The following GSDMC variants were observed in gnomAD, a reference collection of about 807,000 sequenced individuals.
GSDMC encodes the protein gasdermin C.
GSDMC carries 59 observed loss-of-function variants against 58.0 expected under a neutral mutation model. The observed-to-expected ratio is 1.02, with a 90% CI of 0.82 to 1.26. The LOEUF is 1.26. Ranked by LOEUF, GSDMC falls within the 50% of genes most tolerant of loss-of-function variation. GSDMC has a pLI of 0.00. For missense variants in GSDMC, 659 were observed against 598.5 expected (o/e 1.10, Z -1.06); for synonymous variants, 241 against 220.2 (o/e 1.09, Z -0.83).
At chr8:129,742,722 C>T in the GSDMC span, among the ~76,000 whole-genome samples, 1 of 152,176 alleles carries the variant, frequency 6.6e-6, no homozygotes, top group South Asian at 2.1e-4. Context: ...TGGTTTTCTT[C>T]CATTTCTCAA....
intron 12 of GSDMC, 113 bp downstream of exon 12, chr8:129,749,877 C>T (rs118154635): frequency 0.029 from 23,728 of 823,716 alleles, 502 homozygotes; most frequent in Middle Eastern, 0.11. Flanking sequence ...GATGTAAGGA[C>T]GAAAGATCAT....
chr8:129,778,666 A>G (rs2034318886), intron 1 of GSDMC, among the ~76,000 whole-genome samples: 1 of 152,196 alleles, frequency 6.6e-6, no homozygotes, highest in African/African-American at 2.4e-5. Context: ...GAACAGAGTG[A>G]ACAGGTAACC....
the GSDMC span, among the ~76,000 whole-genome samples, chr8:129,738,045 AACAG>A: frequency 6.6e-6 from 1 of 152,382 alleles, no homozygotes; most frequent in South Asian, 2.1e-4. Context: ...TTATGCAGCC[AACAG>A]ACAGACATGT....
chr8:129,750,455 C>T lies in GSDMC; in HGVS notation c.1059G>A (p.Gly353=). The T allele has an allele frequency of 6.2e-7, 1 of 1,614,028 alleles. No individual in the cohort carries two copies. Among genetic ancestry groups the T allele is most frequent in the East Asian group, 2.2e-5 (1 of 44,878 alleles). ...YSILAMLRDR[G]ALQDLMNMLE... is the part of the protein sequence containing the mutation. ...CCATGTTCATCAGGTCCTGTAGAGC[C>T]CCTCTGTCTCTGAGCATGGCCAGGA... Residue 353 remains glycine, a synonymous_variant, in exon 11 of 14, where the codon GGG becomes GGA. Coordinates refer to ENST00000276708, the MANE Select transcript of GSDMC (RefSeq NM_031415.3).
intron 3 of GSDMC, among the ~76,000 whole-genome samples, chr8:129,775,454 TAAC>T (rs772960027): frequency 1.3e-5 from 2 of 152,130 alleles, no homozygotes; most frequent in Non-Finnish European, 2.9e-5. Flanking sequence ...AGACTATAAT[TAAC>T]AATACTACAT....
the GSDMC span, among the ~76,000 whole-genome samples, chr8:129,738,032 C>T: frequency 6.6e-6 from 1 of 152,206 alleles, no homozygotes. Flanking sequence ...CAAAAGAAGA[C>T]ATTTATGCAG....
chr8:129,736,228 G>A, the GSDMC span, among the ~76,000 whole-genome samples: 9 of 152,150 alleles, frequency 5.9e-5, no homozygotes, highest in Non-Finnish European at 1.2e-4. Context: ...AGAGGAGCTG[G>A]TACCATTCCT....
chr8:129,777,320 C>T lies in GSDMC; in HGVS notation c.220+48G>A, dbSNP rs767853189. 1.2e-5 allele frequency: 14 copies of T among 1,150,434 alleles called. No homozygotes were observed. The East Asian group carries it at 3.3e-4, about 27-fold the overall frequency. The allele number at this position is 1,150,434 out of a possible 1,614,324, so 71.3% of individuals were successfully genotyped here. On this transcript the variant is annotated intron_variant, in intron 2 of 13. Coordinates refer to ENST00000276708, the MANE Select transcript of GSDMC (RefSeq NM_031415.3). The stretch of plus-strand genomic sequence containing the variant: ...GGATGGTGGGCCATCTTTTTCTGAC[C>T]ACACATGTTTTTCACCCCTCACCTC...
the GSDMC span, chr8:129,729,849 A>G: frequency 1.3e-6 from 1 of 788,692 alleles, no homozygotes; most frequent in Non-Finnish European, 2.2e-6. Context: ...GGCTGCATCC[A>G]TGCTAGCACC....
At chr8:129,760,176 C>T (rs1283531173) in intron 6 of GSDMC, among the ~76,000 whole-genome samples, 1 of 151,994 alleles carries the variant, frequency 6.6e-6, no homozygotes, top group Admixed American at 6.5e-5. Context: ...CAGTTGAACA[C>T]ATACAGATAT....
At chr8:129,728,873 C>T in the GSDMC span, 2 of 646,160 alleles carry the variant, frequency 3.1e-6, no homozygotes, top group Non-Finnish European at 5.9e-6. Context: ...GGGGCGGGCT[C>T]TTGTGGACCT....
chr8:129,715,651 C>T, the GSDMC span, among the ~76,000 whole-genome samples: 1 of 152,030 alleles, frequency 6.6e-6, no homozygotes, highest in Non-Finnish European at 1.5e-5. Flanking sequence ...AATTTATTCA[C>T]CAGCAAAGCT....
At position 129,765,757 on chromosome 8, in the gene GSDMC, C is replaced by T; in HGVS notation, c.441G>A (p.Glu147=). 6.2e-7 allele frequency: 1 copy of T among 1,614,022 alleles called. No homozygotes were observed. The highest frequency in any genetic ancestry group is 8.5e-7 in the Non-Finnish European group (1 of 1,179,880). The change falls in exon 4 of 14, where the codon GAG becomes GAA. Residue 147 remains glutamate (E), a synonymous_variant. Coordinates refer to ENST00000276708, the MANE Select transcript of GSDMC (RefSeq NM_031415.3). ...ACAGGTTGTCCCCTCTCCTCCGGCA[C>T]TCCTTCAGAAATGATGGCTCTGGAT... ...LLDPEPSFLK[E]CRRRGDNLYV...
the GSDMC span, among the ~76,000 whole-genome samples, chr8:129,733,310 G>A: frequency 6.6e-6 from 1 of 152,236 alleles, no homozygotes; most frequent in Admixed American, 6.5e-5. Flanking sequence ...ACAGAGCAGT[G>A]GTTCTCCCGG....
At chr8:129,750,196 G>T in intron 11 of GSDMC, 77 bp from the exon 12 acceptor site, 1 of 1,226,286 alleles carries the variant, frequency 8.2e-7, no homozygotes, top group Non-Finnish European at 1.1e-6. Context: ...GTCTACTGGT[G>T]ATAACCAAGG....
At chr8:129,756,100 C>T (rs2033422353) in intron 6 of GSDMC, among the ~76,000 whole-genome samples, 1 of 150,490 alleles carries the variant, frequency 6.6e-6, no homozygotes, top group Admixed American at 6.6e-5. Context: ...GATCTGTTAC[C>T]TACAAAAAAC....
chr8:129,762,917 AT>A (rs1284460875), intron 4 of GSDMC, among the ~76,000 whole-genome samples, 186 bp from the exon 5 acceptor site: 1 of 151,648 alleles, frequency 6.6e-6, no homozygotes, highest in African/African-American at 2.4e-5. Flanking sequence ...CCATTTTTCA[AT>A]TTCATGTTGA....
rs749796610 is a variant in GSDMC, at chr8:129,749,435, C to T, written c.1287+17G>A. 7 of 1,570,692 alleles carry T rather than the reference C, an allele frequency of 4.5e-6. No individual in the cohort carries two copies. In the East Asian group the frequency reaches 1.6e-4, roughly 35 times the overall value. On this transcript the variant is annotated intron_variant, in intron 13 of 13. Coordinates refer to ENST00000276708, the MANE Select transcript of GSDMC (RefSeq NM_031415.3). ...TCACCCTCTTCCCTGAACTTCTGGC[C>T]CCTGGGAAGTTCTCACCAGCTCCTG... is the stretch of plus-strand genomic sequence containing the variant.
At chr8:129,776,970 A>G (rs1354526270) in intron 2 of GSDMC, among the ~76,000 whole-genome samples, 1 of 151,064 alleles carries the variant, frequency 6.6e-6, no homozygotes, top group East Asian at 1.9e-4. Context: ...GGGTTTCAGC[A>G]TGTTGGCCAG....
Sources: gnomAD v4.1 joint callset for allele counts (sites outside exome capture counted in the v4.1 genomes callset) on GRCh38, gnomAD v4.1.1 for gene constraint, MANE v1.5 for transcripts, NCBI Gene and HGNC (gene_info 2026-07-23, HGNC 2026-07-21) for gene names.